Variants in GPATCH1 observed in about 807,000 individuals in gnomAD.
The protein encoded by GPATCH1 is G patch domain-containing protein 1.
In GPATCH1, 73 loss-of-function variants were observed where a neutral mutation model predicts 114.9. The observed-to-expected ratio is 0.64, with a 90% CI of 0.53 to 0.77. GPATCH1 has a LOEUF of 0.77. Among genes scored for constraint, GPATCH1 ranks in the 30% least tolerant of loss-of-function variants. GPATCH1 has a pLI of 0.00. For missense variants in GPATCH1, 1,058 were observed against 1,144.3 expected (o/e 0.92, Z 1.09); for synonymous variants, 391 against 428.4 (o/e 0.91, Z 1.08).
rs1360639272 is a variant in GPATCH1 at position 33,109,975 on chromosome 19, G to A, written c.1544G>A (p.Arg515Gln). Reference sequence around the variant, plus strand: ...GCCAAAGATCCGGAAAAGCAAAAGCGATACGACGAGTTCTTAGTACACATG... The same window carrying A: ...GCCAAAGATCCGGAAAAGCAAAAGCAATACGACGAGTTCTTAGTACACATG... Reference protein sequence around the residue: ...PFAKDPEKQKRYDEFLVHMKQ... With the variant: ...PFAKDPEKQKQYDEFLVHMKQ... The change falls in exon 11 of 20, where the codon CGA becomes CAA. Residue 515 changes from arginine (R) to glutamine (Q), a missense_variant. This residue lies in a region of GPATCH1 where 893 missense variants were observed against 977.4 expected (regional missense o/e 0.91). Coordinates refer to ENST00000170564, the MANE Select transcript of GPATCH1 (RefSeq NM_018025.3). 1 of 1,613,764 alleles carries A rather than the reference G, an allele frequency of 6.2e-7. No homozygotes were observed. Among genetic ancestry groups the A allele is most frequent in the Admixed American group, 1.7e-5 (1 of 59,958 alleles).
At chr19:33,101,898 G>A (rs1209773988) in intron 9 of GPATCH1, among the ~76,000 whole-genome samples, 4 of 151,642 alleles carry the variant, frequency 2.6e-5, no homozygotes, top group Non-Finnish European at 4.4e-5. Context: ...ACGTGGTGTC[G>A]CATGCCTGTA....
At chr19:33,094,116 A>T in intron 4 of GPATCH1, 56 bp from the exon 5 acceptor site, 1 of 963,826 alleles carries the variant, frequency 1.0e-6, no homozygotes, top group Non-Finnish European at 1.7e-6. Context: ...CGCTTATTTC[A>T]TATTCTTTGT....
At chr19:33,111,050 T>C (rs1041635874) in intron 11 of GPATCH1, among the ~76,000 whole-genome samples, 6 of 150,598 alleles carry the variant, frequency 4.0e-5, no homozygotes, top group African/African-American at 1.5e-4. Flanking sequence ...GGAGTCTTGC[T>C]CTGTTGCCCA....
intron 10 of GPATCH1, among the ~76,000 whole-genome samples, chr19:33,108,480 T>A (rs1167821661): frequency 6.6e-6 from 1 of 152,028 alleles, no homozygotes; most frequent in Non-Finnish European, 1.5e-5. Flanking sequence ...TCCCTTTCTG[T>A]TCTTCCCTCA....
In GPATCH1 at chr19:33,126,727, T is replaced by C. The variant is rs1293785769; in HGVS notation, c.2759T>C (p.Leu920Pro). The change falls in exon 19 of 20, where the codon CTG becomes CCG. Residue 920 changes from leucine (L) to proline (P), a missense_variant. Transcript: ENST00000170564. ...ETADVSPQEL[L>P]RRLKSLPLRR... ...GCAGACGTGTCGCCCCAGGAGCTGC[T>C]GAGACGGTGGGTAGTGGGAGATGGA... is the stretch of plus-strand genomic sequence containing the variant. 1.2e-6 allele frequency: 2 copies of C among 1,611,174 alleles called. No homozygotes were observed. The highest frequency in any genetic ancestry group is 1.7e-6 in the Non-Finnish European group (2 of 1,179,282).
At chr19:33,125,940 T>C (rs1568352110) in intron 18 of GPATCH1, among the ~76,000 whole-genome samples, 1 of 152,216 alleles carries the variant, frequency 6.6e-6, no homozygotes, top group Non-Finnish European at 1.5e-5. Context: ...TCATCAACCA[T>C]GTCTTCTTTT....
At chr19:33,090,582 C>T (rs1599851179) in intron 2 of GPATCH1, among the ~76,000 whole-genome samples, 198 bp from the exon 3 acceptor site, 1 of 152,090 alleles carries the variant, frequency 6.6e-6, no homozygotes, top group East Asian at 1.9e-4. Context: ...AATGTATCCA[C>T]TAAGTTTTAC....
intron 3 of GPATCH1, among the ~76,000 whole-genome samples, chr19:33,091,908 G>C (rs982223844): frequency 6.6e-6 from 1 of 152,086 alleles, no homozygotes; most frequent in Non-Finnish European, 1.5e-5. Flanking sequence ...GAGACCCCAG[G>C]CTCTCTCTTC....
intron 10 of GPATCH1, among the ~76,000 whole-genome samples, chr19:33,108,450 G>A (rs1426782181): frequency 1.3e-5 from 2 of 151,622 alleles, no homozygotes; most frequent in Non-Finnish European, 1.5e-5. Context: ...CTGCCTAAGG[G>A]CCTTTGTGTT....
In GPATCH1 at chr19:33,097,921, AC is replaced by A; in HGVS notation, c.1000+21del. ...CAGAAAGGTAATTCGACAGCCACAAACCTAATGGCAGGACCAAGTGTCAGGG... is the reference window on the plus strand; with the variant it reads ...CAGAAAGGTAATTCGACAGCCACAAACTAATGGCAGGACCAAGTGTCAGGG... On this transcript the variant is annotated intron_variant, in intron 8 of 19. Transcript: ENST00000170564. 1 of 1,612,122 alleles carries A rather than the reference AC, an allele frequency of 6.2e-7. No individual in the cohort carries two copies.
intron 17 of GPATCH1, among the ~76,000 whole-genome samples, chr19:33,123,883 T>G (rs4528689): frequency 6.6e-6 from 1 of 152,010 alleles, no homozygotes; most frequent in Admixed American, 6.6e-5. Flanking sequence ...TTGAGAAGGA[T>G]TCTTGCTCTG....
rs776514363 is a variant in GPATCH1 at position 33,106,774 on chromosome 19, A to G, written c.1160A>G (p.Asn387Ser). ...FRPMVAATSE[N>S]SHLLQVLSES... ...CCCATGGTGGCCGCCACCTCCGAGA[A>G]CTCACACTTACTGCAGGTATTATCA... Residue 387 changes from asparagine to serine, a missense_variant, in exon 10 of 20, where the codon AAC (asparagine) becomes AGC (serine). By Grantham distance (46) the Asn-to-Ser change is conservative. Around this residue, in one of 3 missense-constraint regions of GPATCH1, gnomAD observed 893 missense variants for 977.4 expected, o/e 0.91. Transcript: ENST00000170564. The G allele has an allele frequency of 6.8e-6, 11 of 1,613,716 alleles. No homozygotes were observed. The African/African-American group carries it at 1.5e-4, about 22-fold the overall frequency.
At chr19:33,087,290 T>A (rs1288857506) in intron 1 of GPATCH1, among the ~76,000 whole-genome samples, 5 of 152,138 alleles carry the variant, frequency 3.3e-5, no homozygotes, top group African/African-American at 9.7e-5. Flanking sequence ...AAATTCAGGA[T>A]TTTGAATTGT....
At chr19:33,115,561 C>T (rs1229612370) in intron 15 of GPATCH1, among the ~76,000 whole-genome samples, 1 of 148,716 alleles carries the variant, frequency 6.7e-6, no homozygotes. Flanking sequence ...ATGGCACTGT[C>T]TCGGCTCACC....
chr19:33,108,893 G>C (rs1480425728), intron 10 of GPATCH1, among the ~76,000 whole-genome samples: 1 of 152,172 alleles, frequency 6.6e-6, no homozygotes. Context: ...CTGTAAGTGT[G>C]CATGTATTAA....
intron 17 of GPATCH1, among the ~76,000 whole-genome samples, chr19:33,120,465 C>T (rs1972970022): frequency 1.3e-5 from 2 of 148,550 alleles, no homozygotes; most frequent in South Asian, 4.2e-4. Flanking sequence ...ATCATTTGAA[C>T]CTGAGAGGCA....
chr19:33,101,664 A>T, intron 9 of GPATCH1, 90 bp downstream of exon 9: 1 of 674,022 alleles, frequency 1.5e-6, no homozygotes, highest in Non-Finnish European at 2.6e-6. Context: ...AACAACAGGA[A>T]AGATAAGTAA....
intron 1 of GPATCH1, among the ~76,000 whole-genome samples, chr19:33,083,970 C>T (rs544708220): frequency 2.6e-5 from 4 of 151,720 alleles, no homozygotes; most frequent in Admixed American, 6.6e-5. Flanking sequence ...CCACCATGCC[C>T]GGCTAATTTT....
intron 17 of GPATCH1, among the ~76,000 whole-genome samples, chr19:33,120,510 C>T (rs1479084199): frequency 6.3e-5 from 9 of 142,064 alleles, no homozygotes; most frequent in African/African-American, 2.4e-4. Context: ...GATCGCGCCA[C>T]TGCACTCCAG....
Sources: allele counts gnomAD v4.1 joint callset (sites outside exome capture counted in the v4.1 genomes callset), GRCh38; gene constraint gnomAD v4.1.1; regional missense constraint gnomAD v4.1.1; transcripts MANE v1.5; gene names NCBI Gene and HGNC (gene_info 2026-07-23, HGNC 2026-07-21).